Variants in NEMF observed in about 807,000 individuals in gnomAD.
NEMF encodes the protein nuclear export mediator factor, also known as ribosome quality control complex subunit NEMF.
Under a neutral mutation model 162.2 loss-of-function variants are expected in NEMF, and 89 were observed. The observed-to-expected ratio is 0.55, with a 90% CI of 0.46 to 0.65. The LOEUF is 0.65. NEMF is among the 30% of genes least tolerant of loss of function. NEMF has a pLI of 0.00. For missense variants in NEMF, 1,133 were observed against 1,261.9 expected (o/e 0.90, Z 1.55); for synonymous variants, 421 against 404.5 (o/e 1.04, Z -0.49).
chr14:49,808,276 G>A (rs933722669), intron 18 of NEMF, among the ~76,000 whole-genome samples: 1 of 152,150 alleles, frequency 6.6e-6, no homozygotes, highest in East Asian at 1.9e-4. Flanking sequence ...GGGTCCAAGC[G>A]ATTCTCCTGA....
chr14:49,795,023 A>G (rs1289401361), intron 26 of NEMF, among the ~76,000 whole-genome samples: 1 of 152,080 alleles, frequency 6.6e-6, no homozygotes, highest in Admixed American at 6.6e-5. Context: ...TGGCTGCTAC[A>G]GCATTTTGAA....
At chr14:49,785,161 C>T (rs1000419891) in intron 30 of NEMF, 26 bp from the exon 31 acceptor site, 1 of 1,600,430 alleles carries the variant, frequency 6.2e-7, no homozygotes, top group Non-Finnish European at 8.6e-7. Context: ...ACATGTGTTA[C>T]TAAATAGACG....
At chr14:49,814,244 C>T (rs550118084) in intron 17 of NEMF, among the ~76,000 whole-genome samples, 194 bp from the exon 18 acceptor site, 11 of 151,994 alleles carry the variant, frequency 7.2e-5, no homozygotes, top group East Asian at 1.9e-4. Context: ...GGATTACAGG[C>T]GTGCACCACC....
In NEMF at chr14:49,806,228, ATG is replaced by A. The variant is rs1555346800; in HGVS notation, c.1745-97_1745-96del. ...CATGCCGCATGACAGGGTCAATGATATGTGTATATATATATATATATATATAT... is the reference window on the plus strand; with the variant it reads ...CATGCCGCATGACAGGGTCAATGATATGTATATATATATATATATATATAT... On this transcript the variant is annotated intron_variant, in intron 18 of 32. Coordinates refer to ENST00000298310, the MANE Select transcript of NEMF (RefSeq NM_004713.6). 9.0e-3 allele frequency: 1,277 copies of A among 142,538 alleles called. 76 individuals carry two copies. The African/African-American group carries it at 0.098, about 11-fold the overall frequency. 8.8% of individuals were successfully genotyped at this position (142,538 alleles called of 1,614,324 possible).
At chr14:49,809,331 G>A (rs1891360231) in intron 18 of NEMF, among the ~76,000 whole-genome samples, 1 of 152,042 alleles carries the variant, frequency 6.6e-6, no homozygotes, top group African/African-American at 2.4e-5. Context: ...TATTATTCAG[G>A]GATAAAAAGA....
chr14:49,795,663 T>C, intron 26 of NEMF, 128 bp downstream of exon 26: 1 of 814,760 alleles, frequency 1.2e-6, no homozygotes, highest in South Asian at 1.8e-5. Flanking sequence ...ACTCAACTAA[T>C]TTTTAGTCAA....
chr14:49,838,729 C>A lies in NEMF; in HGVS notation c.507-523G>T, dbSNP rs138971775. ...CCTCCCGAGTAGCTAGGACTACAGG[C>A]GCCCGCCACCACGCCCGGCTAATAT... On this transcript the variant is annotated intron_variant, in intron 5 of 32. Coordinates refer to ENST00000298310, the MANE Select transcript of NEMF (RefSeq NM_004713.6). Among the ~76,000 whole-genome samples the A allele has an allele frequency of 4.7e-4, 71 of 151,832 alleles. 1 individual carries two copies. In the East Asian group the frequency reaches 0.012, roughly 26 times the overall value.
In NEMF at chr14:49,852,773, T is replaced by A; in HGVS notation, c.-20A>T. Reference sequence around the variant, plus strand: ...CTTCATGGCGAGGCCCGAGGGTCACTACCGCAAGTTCCTCTACTGCCCGGC... The same window carrying A: ...CTTCATGGCGAGGCCCGAGGGTCACAACCGCAAGTTCCTCTACTGCCCGGC... On this transcript the variant is annotated 5_prime_UTR_variant, in exon 1 of 33. Coordinates refer to ENST00000298310, the MANE Select transcript of NEMF (RefSeq NM_004713.6). The A allele has an allele frequency of 6.2e-7, 1 of 1,614,018 alleles. No individual in the cohort carries two copies. The highest frequency in any genetic ancestry group is 8.5e-7 in the Non-Finnish European group (1 of 1,179,856).
At chr14:49,807,967 G>A (rs1013798817) in intron 18 of NEMF, among the ~76,000 whole-genome samples, 1 of 152,008 alleles carries the variant, frequency 6.6e-6, no homozygotes, top group African/African-American at 2.4e-5. Context: ...CGTTTCATGT[G>A]ATTGTTGGCC....
At position 49,828,596 on chromosome 14, in the gene NEMF, T is replaced by G; in HGVS notation, c.1424+20A>C. The G allele has an allele frequency of 1.3e-6, 2 of 1,514,714 alleles. No homozygotes were observed. The highest frequency in any genetic ancestry group is 1.4e-5 in the African/African-American group (1 of 70,926). 93.8% of individuals were successfully genotyped at this position (1,514,714 alleles called of 1,614,324 possible). A position where few individuals can be genotyped will look rare whatever the true frequency, so the allele number is the denominator to read the frequency against. On this transcript the variant is annotated intron_variant, in intron 14 of 32. Coordinates refer to ENST00000298310, the MANE Select transcript of NEMF (RefSeq NM_004713.6). ...ATTGCAGATAACACTTGGCCTAAAA[T>G]GTAAAGTTAAATGACTTACTTTTTG...
At chr14:49,819,705 G>A (rs1362046800) in intron 16 of NEMF, among the ~76,000 whole-genome samples, 1 of 152,102 alleles carries the variant, frequency 6.6e-6, no homozygotes, top group East Asian at 1.9e-4. Context: ...GTGAGCCACC[G>A]CACCTAGCCT....
intron 6 of NEMF, among the ~76,000 whole-genome samples, chr14:49,836,624 C>T (rs561042028): frequency 1.3e-4 from 20 of 151,478 alleles, no homozygotes; most frequent in Non-Finnish European, 2.4e-4. Context: ...TCAGCCTGGG[C>T]AACAGAGCGA....
At chr14:49,808,677 A>C (rs540533254) in intron 18 of NEMF, among the ~76,000 whole-genome samples, 10 of 151,474 alleles carry the variant, frequency 6.6e-5, no homozygotes, top group African/African-American at 2.4e-4. Flanking sequence ...TGGTGTGATT[A>C]AGAGGTCTAA....
At chr14:49,805,641 T>G (rs1355320250) in intron 19 of NEMF, among the ~76,000 whole-genome samples, 1 of 151,384 alleles carries the variant, frequency 6.6e-6, no homozygotes. Context: ...ATTCAGAATA[T>G]TCCAACAAAG....
rs1480306196 is a variant in NEMF, at chr14:49,789,538, G to C, written c.2655C>G (p.Asp885Glu). The change falls in exon 27 of 33, where the codon GAC (aspartate) becomes GAG (glutamate). Residue 885 changes from aspartate (D) to glutamate (E), a missense_variant. Physicochemically the swap from Asp to Glu is conservative, Grantham distance 45. Coordinates refer to ENST00000298310, the MANE Select transcript of NEMF (RefSeq NM_004713.6). ...TAAGTTCACGGTCTTCTTCATCCTG[G>C]TCTTTGTATTTTTCTTTCATTTTTT... ...KMKKMKEKYK[D>E]QDEEDRELIM... The C allele has an allele frequency of 6.2e-7, 1 of 1,611,668 alleles. No individual in the cohort carries two copies. Among genetic ancestry groups the C allele is most frequent in the Non-Finnish European group, 8.5e-7 (1 of 1,179,482 alleles).
chr14:49,815,025 G>C (rs1337389638), intron 16 of NEMF, among the ~76,000 whole-genome samples, 168 bp from the exon 17 acceptor site: 1 of 151,922 alleles, frequency 6.6e-6, no homozygotes, highest in Non-Finnish European at 1.5e-5. Context: ...AATTGCCCTA[G>C]GATATTCTTT....
intron 26 of NEMF, among the ~76,000 whole-genome samples, chr14:49,792,837 C>T (rs1890517416): frequency 1.3e-5 from 2 of 151,984 alleles, no homozygotes; most frequent in Admixed American, 1.3e-4. Flanking sequence ...AAAAATTAGC[C>T]AGACATGGTG....
chr14:49,847,467 G>T (rs1283818502), intron 3 of NEMF, among the ~76,000 whole-genome samples: 1 of 150,290 alleles, frequency 6.7e-6, no homozygotes, highest in East Asian at 2.0e-4. Flanking sequence ...GCCTCCCAAA[G>T]TGTTAGGATT....
intron 1 of NEMF, 108 bp downstream of exon 1, chr14:49,852,587 C>G (rs558145249): frequency 1.3e-5 from 16 of 1,227,936 alleles, no homozygotes; most frequent in Non-Finnish European, 1.9e-5. Flanking sequence ...GGTCCATAGA[C>G]GCACTAGGAA....
Sources: gnomAD v4.1 joint callset for allele counts (sites outside exome capture counted in the v4.1 genomes callset) on GRCh38, gnomAD v4.1.1 for gene constraint, MANE v1.5 for transcripts, NCBI Gene and HGNC (gene_info 2026-07-23, HGNC 2026-07-21) for gene names.